The following HES7 variants were observed in gnomAD, a reference collection of about 807,000 sequenced individuals.
HES7 encodes transcription factor HES-7.
Under a neutral mutation model 18.0 loss-of-function variants are expected in HES7, and 8 were observed. The ratio of observed to expected loss-of-function variants is 0.45; its 90% CI spans 0.26 to 0.80. HES7 has a LOEUF of 0.80. Among genes scored for constraint, HES7 ranks in the 30% least tolerant of loss-of-function variants. The pLI is 0.18. For synonymous variants in HES7, 170 were observed against 158.6 expected (o/e 1.07, Z -0.54); for missense variants, 356 against 340.9 (o/e 1.04, Z -0.35).
At position 8,121,928 on chromosome 17, in the gene HES7, C is replaced by G; in HGVS notation, c.336G>C (p.Ala112=). The G allele has an allele frequency of 6.4e-7, 1 of 1,561,710 alleles. No individual in the cohort carries two copies. Among genetic ancestry groups the G allele is most frequent in the Non-Finnish European group, 8.6e-7 (1 of 1,164,824 alleles). ...RECLLRLAAF[A]HDASPAARAQ... ...CGCGGGCGGCCGGGCTGGCGTCGTG[C>G]GCGAAGGCCGCCAAGCGAAGCAGGC... The change falls in exon 4 of 4, where the codon GCG becomes GCC. Residue 112 remains alanine, a synonymous_variant. Transcript: ENST00000541682.
At position 8,122,515 on chromosome 17, in the gene HES7, T is replaced by A; in HGVS notation, c.139-85A>T. The stretch of plus-strand genomic sequence containing the variant: ...GCAGGGGGAAGAAGGGAGGGACGGA[T>A]GCGGGAGCTGGTGGTGCCCCCGATC... On this transcript the variant is annotated intron_variant, in intron 2 of 3. Coordinates refer to ENST00000541682, the MANE Select transcript of HES7 (RefSeq NM_001165967.2). This position sits in a 1 kb window ranked among gnomAD's most constrained non-coding sequence, Gnocchi z 6.9. 2.1e-6 allele frequency: 2 copies of A among 954,474 alleles called. No homozygotes were observed. Among genetic ancestry groups the A allele is most frequent in the Non-Finnish European group, 3.3e-6 (2 of 611,162 alleles). The allele number at this position is 954,474 out of a possible 1,614,324, so 59.1% of individuals were successfully genotyped here. A position where few individuals can be genotyped will look rare whatever the true frequency, so the allele number is the denominator to read the frequency against.
In HES7 at chr17:8,123,970, AG is replaced by A; in HGVS notation, c.42+72del. 5.8e-6 allele frequency: 9 copies of A among 1,553,580 alleles called. No homozygotes were observed. Among genetic ancestry groups the A allele is most frequent in the Non-Finnish European group, 8.0e-6 (9 of 1,129,620 alleles). On this transcript the variant is annotated intron_variant, in intron 1 of 3. Transcript: ENST00000541682. This position sits in a 1 kb window ranked among gnomAD's most constrained non-coding sequence, Gnocchi z 5.9. ...ACCCCTGCGTCCCCAGCCTCTCTCC[AG>A]ACCGACGGCGTCAGGGGCCCAGTCC...
Position 8,122,037 on chromosome 17 carries a change from G to C in HES7, c.227C>G (p.Ala76Gly), listed in dbSNP as rs1250498507. Reference sequence around the variant, plus strand: ...CCGGGGAACCCCTGGAGCCGCGGCGGCTGGTGCGGCCGGCGGGAGCACAGG... The same window carrying C: ...CCGGGGAACCCCTGGAGCCGCGGCGCCTGGTGCGGCCGGCGGGAGCACAGG... Reference protein sequence around the residue: ...LRERSRVEPPAAAAPGVPRSP... With the variant: ...LRERSRVEPPGAAAPGVPRSP... Residue 76 changes from alanine to glycine, a missense_variant and splice_region_variant, in exon 4 of 4, where the codon GCC becomes GGC. Physicochemically the swap from Ala to Gly is moderately conservative, Grantham distance 60. Transcript: ENST00000541682. The surrounding 1 kb of genome is among the most constrained non-coding windows in gnomAD (Gnocchi z 6.9). 1 of 1,502,230 alleles carries C rather than the reference G, an allele frequency of 6.7e-7. No individual in the cohort carries two copies. Among genetic ancestry groups the C allele is most frequent in the Non-Finnish European group, 8.8e-7 (1 of 1,134,572 alleles). 93.1% of individuals were successfully genotyped at this position (1,502,230 alleles called of 1,614,324 possible). A position where few individuals can be genotyped will look rare whatever the true frequency, so the allele number is the denominator to read the frequency against.
In HES7 at chr17:8,121,967, G is replaced by C. The variant is rs1054365117; in HGVS notation, c.297C>G (p.Ser99=). ...AGCGAAGCAGGCACTCGCGGAAACCGGACAAGTAGCAGCTGGCGAGCGCCT... is the reference window on the plus strand; with the variant it reads ...AGCGAAGCAGGCACTCGCGGAAACCCGACAAGTAGCAGCTGGCGAGCGCCT... ...DAEALASCYL[S]GFRECLLRLA... The change falls in exon 4 of 4, where the codon TCC becomes TCG. Residue 99 remains serine, a synonymous_variant. Transcript: ENST00000541682. 1.1e-5 allele frequency: 17 copies of C among 1,550,774 alleles called. No individual in the cohort carries two copies. The African/African-American group carries it at 1.7e-4, about 15-fold the overall frequency.
In HES7 at chr17:8,123,067, C is replaced by A. The variant is rs1293187507; in HGVS notation, c.102G>T (p.Glu34Asp). Reference sequence around the variant, plus strand: ...TCCGCTCCAGCAGCAGCAGCCTCAGCTCTTCCAGGCTGCGGTTGATGCGGT... The same window carrying A: ...TCCGCTCCAGCAGCAGCAGCCTCAGATCTTCCAGGCTGCGGTTGATGCGGT... ...RRDRINRSLE[E>D]LRLLLLERTR... Residue 34 changes from glutamate (E) to aspartate (D), a missense_variant, in exon 2 of 4, where the codon GAG becomes GAT. Glu to Asp is a conservative substitution (Grantham distance 45, BLOSUM62 2). Transcript: ENST00000541682. The surrounding 1 kb of genome is among the most constrained non-coding windows in gnomAD (Gnocchi z 5.9). 4 of 1,605,534 alleles carry A rather than the reference C, an allele frequency of 2.5e-6. No homozygotes were observed. The highest frequency in any genetic ancestry group is 3.4e-6 in the Non-Finnish European group (4 of 1,176,464).
chr17:8,123,992 A>T lies in HES7; in HGVS notation c.42+51T>A. 1.9e-6 allele frequency: 3 copies of T among 1,597,794 alleles called. No homozygotes were observed. Among genetic ancestry groups the T allele is most frequent in the South Asian group, 1.1e-5 (1 of 90,690 alleles). On this transcript the variant is annotated intron_variant, in intron 1 of 3. Coordinates refer to ENST00000541682, the MANE Select transcript of HES7 (RefSeq NM_001165967.2). This position sits in a 1 kb window ranked among gnomAD's most constrained non-coding sequence, Gnocchi z 5.9. The stretch of plus-strand genomic sequence containing the variant: ...TCCAGACCGACGGCGTCAGGGGCCC[A>T]GTCCCCTAGCCAAACCAGGGACCTC...
chr17:8,124,949 G>T (rs1327902448), upstream of HES7, among the ~76,000 whole-genome samples: 1 of 152,196 alleles, frequency 6.6e-6, no homozygotes, highest in African/African-American at 2.4e-5. Context: ...GGAGATTCAG[G>T]AGTGTGGCTG....
At chr17:8,125,088 C>T (rs1312531786), upstream of HES7, among the ~76,000 whole-genome samples, 1 of 152,134 alleles carries the variant, frequency 6.6e-6, no homozygotes, top group Non-Finnish European at 1.5e-5. Context: ...CAACACCCAC[C>T]TCAAACCAAG....
chr17:8,122,086 G>A lies in HES7; in HGVS notation c.227-49C>T, dbSNP rs1180221955. 2 of 1,439,080 alleles carry A rather than the reference G, an allele frequency of 1.4e-6. No homozygotes were observed. The highest frequency in any genetic ancestry group is 1.8e-6 in the Non-Finnish European group (2 of 1,095,288). 89.1% of individuals were successfully genotyped at this position (1,439,080 alleles called of 1,614,324 possible). A position where few individuals can be genotyped will look rare whatever the true frequency, so the allele number is the denominator to read the frequency against. ...GGTGGGCAGGGCAGGGGCCCGGCAG[G>A]GGTGAGGGAAGGGGCGGGGCGCAGA... On this transcript the variant is annotated intron_variant, in intron 3 of 3. Transcript: ENST00000541682. The surrounding 1 kb of genome is among the most constrained non-coding windows in gnomAD (Gnocchi z 6.9).
Position 8,121,440 on chromosome 17 carries a change from C to A in HES7, c.*131G>T, listed in dbSNP as rs114049508. On this transcript the variant is annotated 3_prime_UTR_variant, in exon 4 of 4. Coordinates refer to ENST00000541682, the MANE Select transcript of HES7 (RefSeq NM_001165967.2). ...TACTCTAATATAGACCACATCTCAC[C>A]CGCGCGCTGAGCCCGCGCGCCCCAC... 19,525 of 610,010 alleles carry A rather than the reference C, an allele frequency of 0.032. 1,233 individuals carry two copies. Among genetic ancestry groups the A allele is most frequent in the East Asian group, 0.17 (5,012 of 28,882 alleles). 37.8% of individuals were successfully genotyped at this position (610,010 alleles called of 1,614,324 possible). A position where few individuals can be genotyped will look rare whatever the true frequency, so the allele number is the denominator to read the frequency against.
Position 8,121,924 on chromosome 17 carries a change from C to T in HES7, c.340G>A (p.Asp114Asn). The change falls in exon 4 of 4, where the codon GAC (aspartate) becomes AAC (asparagine). Residue 114 changes from aspartate (D) to asparagine (N), a missense_variant. Physicochemically the swap from Asp to Asn is conservative, Grantham distance 23. Transcript: ENST00000541682. Reference sequence around the variant, plus strand: ...TGGGCGCGGGCGGCCGGGCTGGCGTCGTGCGCGAAGGCCGCCAAGCGAAGC... The same window carrying T: ...TGGGCGCGGGCGGCCGGGCTGGCGTTGTGCGCGAAGGCCGCCAAGCGAAGC... ...CLLRLAAFAH[D>N]ASPAARAQLF... The T allele has an allele frequency of 3.2e-6, 5 of 1,564,586 alleles. No individual in the cohort carries two copies. Among genetic ancestry groups the T allele is most frequent in the African/African-American group, 1.4e-5 (1 of 71,370 alleles).
In HES7 at chr17:8,123,285, C is replaced by A. The variant is rs376704207; in HGVS notation, c.43-159G>T. ...CCCATTCGATCCCTCTCCGCTCCCC[C>A]TCCCAATGCCCCTAGATCAGTTTCT... On this transcript the variant is annotated intron_variant, in intron 1 of 3. Transcript: ENST00000541682. The surrounding 1 kb of genome is among the most constrained non-coding windows in gnomAD (Gnocchi z 5.9). The A allele has an allele frequency of 6.2e-6, 4 of 646,722 alleles. No homozygotes were observed. The East Asian group carries it at 1.1e-4, about 18-fold the overall frequency. 40.1% of individuals were successfully genotyped at this position (646,722 alleles called of 1,614,324 possible).
upstream of HES7, chr17:8,124,214 G>C (rs1039038225): frequency 7.5e-6 from 8 of 1,070,872 alleles, no homozygotes; most frequent in South Asian, 3.9e-5. Context: ...TCTAGGACCC[G>C]GCACGAGGCT....
In HES7 at chr17:8,124,106, G is replaced by A. The variant is rs377276277; in HGVS notation, c.-22C>T. The A allele has an allele frequency of 2.5e-6, 4 of 1,613,946 alleles. No homozygotes were observed. Among genetic ancestry groups the A allele is most frequent in the Non-Finnish European group, 3.4e-6 (4 of 1,180,024 alleles). On this transcript the variant is annotated 5_prime_UTR_variant, in exon 1 of 4. Transcript: ENST00000541682. ...CCATTGCTCCTCCGGACCCTGTGTG[G>A]ACCGGTTCCCTGCTCGCCTGGAGCC...
rs1039374525 is a variant in HES7 at position 8,123,184 on chromosome 17, C to T, written c.43-58G>A. On this transcript the variant is annotated intron_variant, in intron 1 of 3. Coordinates refer to ENST00000541682, the MANE Select transcript of HES7 (RefSeq NM_001165967.2). This position sits in a 1 kb window ranked among gnomAD's most constrained non-coding sequence, Gnocchi z 5.9. ...CCAGACCGAGACTCAGTGCGGCCGC[C>T]CCGGCGTCGGATCCCGCCGCTGGGA... 3.1e-5 allele frequency: 44 copies of T among 1,400,784 alleles called. No homozygotes were observed. The highest frequency in any genetic ancestry group is 4.1e-5 in the Non-Finnish European group (42 of 1,015,376). The allele number at this position is 1,400,784 out of a possible 1,614,324, so 86.8% of individuals were successfully genotyped here.
At chr17:8,126,616 G>A (rs1981616174), upstream of HES7, among the ~76,000 whole-genome samples, 1 of 152,100 alleles carries the variant, frequency 6.6e-6, no homozygotes, top group South Asian at 2.1e-4. Flanking sequence ...CACCTGCGGC[G>A]ACCACTTGTG....
upstream of HES7, chr17:8,124,185 G>C (rs945011643): frequency 8.4e-6 from 12 of 1,429,608 alleles, no homozygotes; most frequent in African/African-American, 1.4e-5. Context: ...CGCCCCCTTC[G>C]ACATCCAGAT....
At chr17:8,126,213 T>C (rs1981603460), upstream of HES7, among the ~76,000 whole-genome samples, 1 of 152,220 alleles carries the variant, frequency 6.6e-6, no homozygotes, top group Non-Finnish European at 1.5e-5. Context: ...CTTAAGTCTA[T>C]GGGTCTATGC....
In HES7 at chr17:8,122,568, C is replaced by T. The variant is rs1981414441; in HGVS notation, c.139-138G>A. 2 of 675,508 alleles carry T rather than the reference C, an allele frequency of 3.0e-6. No homozygotes were observed. The highest frequency in any genetic ancestry group is 1.8e-5 in the African/African-American group (1 of 55,858). 41.8% of individuals were successfully genotyped at this position (675,508 alleles called of 1,614,324 possible). ...ATTTGCGCACTGCCCACAGAACGCG[C>T]GACCAAATGCGGAGTGGAGATGACC... On this transcript the variant is annotated intron_variant, in intron 2 of 3. Coordinates refer to ENST00000541682, the MANE Select transcript of HES7 (RefSeq NM_001165967.2). This position sits in a 1 kb window ranked among gnomAD's most constrained non-coding sequence, Gnocchi z 6.9.
Sources: gnomAD v4.1 joint callset for allele counts (sites outside exome capture counted in the v4.1 genomes callset) on GRCh38, gnomAD v4.1.1 for gene constraint, Gnocchi (gnomAD v3.1) non-coding constraint, MANE v1.5 for transcripts, NCBI Gene and HGNC (gene_info 2026-07-23, HGNC 2026-07-21) for gene names.